The following COP1 variants were observed in gnomAD, a reference collection of about 807,000 sequenced individuals.
COP1 encodes E3 ubiquitin-protein ligase COP1.
COP1 carries 24 observed loss-of-function variants against 101.3 expected under a neutral mutation model. The observed-to-expected ratio is 0.24, with a 90% CI of 0.17 to 0.33. The LOEUF is 0.33. COP1 is among the 10% of genes least tolerant of loss of function. The pLI is 1.00. For synonymous variants in COP1, 347 were observed against 341.9 expected (o/e 1.01, Z -0.17); for missense variants, 663 against 906.2 (o/e 0.73, Z 3.45).
intron 10 of COP1, among the ~76,000 whole-genome samples, chr1:176,084,655 C>A (rs375378507): frequency 3.3e-5 from 5 of 152,236 alleles, no homozygotes; most frequent in South Asian, 4.1e-4. Context: ...TTCAAACAAA[C>A]AAACAAATTT....
chr1:176,198,293 T>A (rs1699913543), intron 1 of COP1, among the ~76,000 whole-genome samples: 1 of 152,096 alleles, frequency 6.6e-6, no homozygotes, highest in African/African-American at 2.4e-5. Context: ...TAAACATATA[T>A]ACACCAACGG....
At position 176,206,865 on chromosome 1, in the gene COP1, A is replaced by T; in HGVS notation, c.114T>A (p.Pro38=). ...SSSLSSSPSP[P]SVAVSAAALV... ...GCGCTGCCGCCGAAACCGCCACGGA[A>T]GGCGGCGACGGGGAAGAGGATAAAG... Residue 38 remains proline, a synonymous_variant, in exon 1 of 20, where the codon CCT becomes CCA. Coordinates refer to ENST00000367669, the MANE Select transcript of COP1 (RefSeq NM_022457.7). 6.9e-7 allele frequency: 1 copy of T among 1,439,684 alleles called. No homozygotes were observed. The highest frequency in any genetic ancestry group is 1.4e-5 in the South Asian group (1 of 73,386). 89.2% of individuals were successfully genotyped at this position (1,439,684 alleles called of 1,614,324 possible).
At chr1:176,119,667 T>C (rs201563818) in intron 8 of COP1, among the ~76,000 whole-genome samples, 3 of 150,076 alleles carry the variant, frequency 2.0e-5, no homozygotes, top group South Asian at 2.1e-4. Flanking sequence ...CACACACATA[T>C]AGAAAAGAAT....
At chr1:176,144,455 T>G (rs1423092373) in intron 6 of COP1, among the ~76,000 whole-genome samples, 1 of 151,986 alleles carries the variant, frequency 6.6e-6, no homozygotes, top group Non-Finnish European at 1.5e-5. Context: ...TAGAGGGAAG[T>G]ACCACATTCA....
intron 11 of COP1, among the ~76,000 whole-genome samples, chr1:176,065,704 A>ATTG (rs1553248572): frequency 8.7e-5 from 10 of 114,462 alleles, no homozygotes; most frequent in Non-Finnish European, 7.5e-5. Context: ...GGGGATAATG[A>ATTG]TTTTTTTTTT....
intron 18 of COP1, among the ~76,000 whole-genome samples, chr1:175,949,701 T>G (rs567811469): frequency 6.6e-6 from 1 of 152,354 alleles, no homozygotes; most frequent in South Asian, 2.1e-4. Context: ...GCAGCCATCA[T>G]GAACTGCTCC....
chr1:176,199,179 T>C (rs1367251938), intron 1 of COP1, among the ~76,000 whole-genome samples: 1 of 151,968 alleles, frequency 6.6e-6, no homozygotes, highest in Non-Finnish European at 1.5e-5. Context: ...TAGCTTGGCA[T>C]GGTGGCGGGC....
intron 8 of COP1, among the ~76,000 whole-genome samples, chr1:176,125,160 C>A (rs962296684): frequency 6.6e-6 from 1 of 152,000 alleles, no homozygotes; most frequent in Non-Finnish European, 1.5e-5. Context: ...TTATTAATCC[C>A]TTGTCAGATG....
rs144687557 is a variant in COP1, at chr1:176,042,085, C to A, written c.1612+1101G>T. Among the ~76,000 whole-genome samples, 43 of 151,884 alleles carry A rather than the reference C, an allele frequency of 2.8e-4. 1 individual carries two copies. In the East Asian group the frequency reaches 8.4e-3, roughly 30 times the overall value. On this transcript the variant is annotated intron_variant, in intron 14 of 19. Coordinates refer to ENST00000367669, the MANE Select transcript of COP1 (RefSeq NM_022457.7). ...GGAGATTGCCCCACTGTACTCCAGT[C>A]TGGGCAGCAGAGCGAGATTACGTCT...
At chr1:176,190,960 C>A (rs1026735295) in intron 1 of COP1, among the ~76,000 whole-genome samples, 5 of 151,910 alleles carry the variant, frequency 3.3e-5, no homozygotes, top group African/African-American at 1.2e-4. Flanking sequence ...GAGCCAGGCA[C>A]AATCTAGAGT....
intron 9 of COP1, among the ~76,000 whole-genome samples, chr1:176,113,840 T>C (rs1685703613): frequency 6.6e-6 from 1 of 152,016 alleles, no homozygotes; most frequent in Non-Finnish European, 1.5e-5. Flanking sequence ...TATAATTCAG[T>C]AACTTATGTA....
chr1:176,121,858 T>A (rs1572368158), intron 8 of COP1, among the ~76,000 whole-genome samples: 1 of 147,978 alleles, frequency 6.8e-6, no homozygotes, highest in African/African-American at 2.5e-5. Flanking sequence ...AGTGTGGCCT[T>A]AAAAAAAAAA....
chr1:175,993,577 T>A (rs2148791316), intron 15 of COP1, among the ~76,000 whole-genome samples: 1 of 152,108 alleles, frequency 6.6e-6, no homozygotes, highest in African/African-American at 2.4e-5. Flanking sequence ...AAGCCAAGGC[T>A]CGAGAACTAC....
In COP1 at chr1:176,121,403, T is replaced by C. The variant is rs187270243; in HGVS notation, c.969-4722A>G. On this transcript the variant is annotated intron_variant, in intron 8 of 19. Transcript: ENST00000367669. ...AACATTTGACACAAGTAGTCAAATA[T>C]ATCACCCAAAATCTATGCGACTAAT... Among the ~76,000 whole-genome samples the C allele has an allele frequency of 1.9e-3, 290 of 152,328 alleles. 2 individuals are homozygous for C. The highest frequency in any genetic ancestry group is 5.4e-4 in the Non-Finnish European group (37 of 68,036).
chr1:175,967,098 G>C (rs1652164545), intron 18 of COP1, among the ~76,000 whole-genome samples: 1 of 152,182 alleles, frequency 6.6e-6, no homozygotes, highest in African/African-American at 2.4e-5. Flanking sequence ...GATTTCTAAA[G>C]GGCCTAGAAA....
At chr1:176,128,043 C>G (rs1688311183) in intron 8 of COP1, among the ~76,000 whole-genome samples, 1 of 151,860 alleles carries the variant, frequency 6.6e-6, no homozygotes, top group African/African-American at 2.4e-5. Flanking sequence ...TGAGAAATAC[C>G]TGTTCAAGTC....
intron 18 of COP1, among the ~76,000 whole-genome samples, chr1:175,980,936 T>A (rs887839744): frequency 3.9e-5 from 6 of 152,124 alleles, no homozygotes; most frequent in African/African-American, 1.4e-4. Context: ...ACAGGCATCA[T>A]CACATAGGAA....
chr1:175,946,793 A>G (rs1234489066), intron 19 of COP1, among the ~76,000 whole-genome samples: 2 of 152,212 alleles, frequency 1.3e-5, no homozygotes, highest in Admixed American at 1.3e-4. Flanking sequence ...TATGACCAAG[A>G]TATGTTTAAA....
At chr1:176,107,670 T>C (rs980912966) in intron 9 of COP1, among the ~76,000 whole-genome samples, 2 of 152,140 alleles carry the variant, frequency 1.3e-5, no homozygotes, top group Non-Finnish European at 1.5e-5. Flanking sequence ...ATAAGTAAGA[T>C]ACAATGATAG....
Sources: allele counts gnomAD v4.1 joint callset (sites outside exome capture counted in the v4.1 genomes callset), GRCh38; gene constraint gnomAD v4.1.1; transcripts MANE v1.5; gene names NCBI Gene and HGNC (gene_info 2026-07-23, HGNC 2026-07-21).